DYNC2H1: variants seen among roughly 807,000 people sequenced by gnomAD.
DYNC2H1 encodes the protein cytoplasmic dynein 2 heavy chain 1.
DYNC2H1 carries 410 observed loss-of-function variants against 570.0 expected under a neutral mutation model. The ratio of observed to expected loss-of-function variants is 0.72; its 90% CI spans 0.66 to 0.78. The LOEUF (loss-of-function observed/expected upper bound fraction) is 0.78. DYNC2H1 is among the 30% of genes least tolerant of loss of function. DYNC2H1 has a pLI of 0.00. For missense variants in DYNC2H1, 4,865 were observed against 5,046.4 expected, an observed-to-expected ratio of 0.96 and a Z score of 1.09; for synonymous variants, 1,688 against 1,677.6, an observed-to-expected ratio of 1.01 and a Z score of -0.15.
intron 83 of DYNC2H1, among the ~76,000 whole-genome samples, chr11:103,375,658 C>T (rs1475806021): frequency 6.6e-6 from 1 of 152,218 alleles, no homozygotes; most frequent in African/African-American, 2.4e-5. Context: ...TTTGGACTTG[C>T]ATGGGGCCTA....
At chr11:103,429,519 G>C (rs1204020758) in intron 84 of DYNC2H1, among the ~76,000 whole-genome samples, 1 of 152,032 alleles carries the variant, frequency 6.6e-6, no homozygotes, top group African/African-American at 2.4e-5. Flanking sequence ...CTGAACAAAG[G>C]TCTTGTTAAG....
chr11:103,135,530 A>C lies in DYNC2H1; in HGVS notation c.2241A>C (p.Gln747His). Residue 747 changes from glutamine to histidine, a missense_variant, in exon 16 of 89, where the codon CAA becomes CAC. By Grantham distance (24) the Gln-to-His change is conservative. Around this residue, in one of 5 missense-constraint regions of DYNC2H1, gnomAD observed 1,936 missense variants for 1,962.1 expected, o/e 0.99. Coordinates refer to ENST00000375735, the MANE Select transcript of DYNC2H1 (RefSeq NM_001377.3). ...FQASDMHAWK[Q>H]HWNHQLYKAL... is the part of the protein sequence containing the mutation. ...CAAGTGACATGCATGCATGGAAACA[A>C]CACTGGAATCATCAACTGTACAAAG... The C allele has an allele frequency of 6.2e-7, 1 of 1,601,678 alleles. No homozygotes were observed. Among genetic ancestry groups the C allele is most frequent in the Middle Eastern group, 1.7e-4 (1 of 6,000 alleles).
In DYNC2H1 at chr11:103,228,473, C is replaced by G. The variant is rs1331102933; in HGVS notation, c.9354-2787C>G. Among the ~76,000 whole-genome samples the G allele has an allele frequency of 6.6e-6, 1 of 152,108 alleles. No homozygotes were observed. Among genetic ancestry groups the G allele is most frequent in the Non-Finnish European group, 1.5e-5 (1 of 68,016 alleles). On this transcript the variant is annotated intron_variant, in intron 59 of 88. Transcript: ENST00000375735. This position sits in a 1 kb window ranked among gnomAD's most constrained non-coding sequence, Gnocchi z 6.1. ...GTTTTTGCGCTTCTGGGTCTAGCTA[C>G]CCAGCAGAGCTACTGGGCTCTGGGC...
rs1938166945 is a variant in DYNC2H1 at position 103,321,157 on chromosome 11, G to A, written c.11854G>A (p.Val3952Ile). 6.2e-7 allele frequency: 1 copy of A among 1,611,872 alleles called. No homozygotes were observed. Among genetic ancestry groups the A allele is most frequent in the Non-Finnish European group, 8.5e-7 (1 of 1,178,896 alleles). ...CCTGAAGCAGTTTTTTAATTCTTCA[G>A]TTATTGATGTATTCAACCAAAGGAA... is the stretch of plus-strand genomic sequence containing the variant. ...SYLKQFFNSS[V>I]IDVFNQRNKK... is the part of the protein sequence containing the mutation. Residue 3952 changes from valine to isoleucine, a missense_variant, in exon 81 of 89, where the codon GTT becomes ATT. Val to Ile is a conservative substitution (Grantham distance 29, BLOSUM62 3). Coordinates refer to ENST00000375735, the MANE Select transcript of DYNC2H1 (RefSeq NM_001377.3).
chr11:103,476,815 C>T (rs1232108841), intron 88 of DYNC2H1, among the ~76,000 whole-genome samples: 1 of 152,018 alleles, frequency 6.6e-6, no homozygotes. Context: ...TCATATAATG[C>T]CCACTTAGGC....
At chr11:103,336,762 A>G (rs545354020) in intron 82 of DYNC2H1, among the ~76,000 whole-genome samples, 4 of 152,326 alleles carry the variant, frequency 2.6e-5, no homozygotes, top group African/African-American at 9.6e-5. Flanking sequence ...TAGTGCTGTA[A>G]TAAACACTGG....
At position 103,137,366 on chromosome 11, in the gene DYNC2H1, CGT is replaced by C. The variant is rs554165367; in HGVS notation, c.2574+1419_2574+1420del. On this transcript the variant is annotated intron_variant, in intron 17 of 88. Coordinates refer to ENST00000375735, the MANE Select transcript of DYNC2H1 (RefSeq NM_001377.3). Reference sequence around the variant, plus strand: ...AGGGTTTTTATGGTTTTAGCTCTAACGTTTAAGTCTTTAATCCATCTTGAATT... The same window carrying C: ...AGGGTTTTTATGGTTTTAGCTCTAACTTAAGTCTTTAATCCATCTTGAATT... Among the ~76,000 whole-genome samples, 602 of 151,470 alleles carry C rather than the reference CGT, an allele frequency of 4.0e-3. 2 individuals are homozygous for C. The highest frequency in any genetic ancestry group is 0.014 in the African/African-American group (577 of 41,254).
At position 103,245,298 on chromosome 11, in the gene DYNC2H1, A is replaced by C. The variant is rs1366958275; in HGVS notation, c.9966A>C (p.Lys3322Asn). The change falls in exon 65 of 89, where the codon AAA becomes AAC. Residue 3322 changes from lysine to asparagine, a missense_variant. Lys to Asn is a moderately conservative substitution (Grantham distance 94). Transcript: ENST00000375735. The surrounding 1 kb of genome is among the most constrained non-coding windows in gnomAD (Gnocchi z 4.5). ...TTGAATTAGCAGTACGTTTTGGGAA[A>C]ACCCTTATTATACAAGAGATGGATG... ...TALELAVRFG[K>N]TLIIQEMDGV... The C allele has an allele frequency of 6.4e-7, 1 of 1,558,736 alleles. No individual in the cohort carries two copies. The highest frequency in any genetic ancestry group is 8.7e-7 in the Non-Finnish European group (1 of 1,150,382).
chr11:103,345,633 A>G (rs1939705524), intron 82 of DYNC2H1, among the ~76,000 whole-genome samples: 1 of 152,164 alleles, frequency 6.6e-6, no homozygotes. Flanking sequence ...AAAAACAGCA[A>G]TAAGGCTGAT....
chr11:103,389,969 T>G (rs1368388951), intron 83 of DYNC2H1, among the ~76,000 whole-genome samples: 2 of 152,212 alleles, frequency 1.3e-5, no homozygotes, highest in Non-Finnish European at 2.9e-5. Context: ...AGAATGTATA[T>G]TCTGTTGATT....
At chr11:103,409,181 G>C (rs115681270) in intron 84 of DYNC2H1, among the ~76,000 whole-genome samples, 2,544 of 152,046 alleles carry the variant, frequency 0.017, 80 homozygotes, top group African/African-American at 0.058. Flanking sequence ...TTTACTTTTT[G>C]TAACCTTTCC....
chr11:103,366,976 CA>C (rs1187089682), intron 83 of DYNC2H1, among the ~76,000 whole-genome samples: 1 of 151,902 alleles, frequency 6.6e-6, no homozygotes, highest in Non-Finnish European at 1.5e-5. Context: ...AATAACGTAA[CA>C]AAAAATAGGT....
chr11:103,449,390 AT>A (rs1484013445), intron 85 of DYNC2H1, among the ~76,000 whole-genome samples: 1 of 152,178 alleles, frequency 6.6e-6, no homozygotes, highest in Non-Finnish European at 1.5e-5. Context: ...AACAGTTAGG[AT>A]TTATATTTGT....
chr11:103,343,712 GTCAA>G (rs1939597090), intron 82 of DYNC2H1, among the ~76,000 whole-genome samples: 1 of 142,280 alleles, frequency 7.0e-6, no homozygotes, highest in Non-Finnish European at 1.6e-5. Flanking sequence ...ACAAGACCTT[GTCAA>G]TCAATAAAAT....
At chr11:103,286,701 A>G (rs903904543) in intron 74 of DYNC2H1, among the ~76,000 whole-genome samples, 7 of 152,168 alleles carry the variant, frequency 4.6e-5, no homozygotes, top group Non-Finnish European at 1.0e-4. Context: ...TCCCAGAGTT[A>G]TTTTTAAGGA....
intron 82 of DYNC2H1, among the ~76,000 whole-genome samples, chr11:103,331,136 A>G (rs1368902928): frequency 6.6e-6 from 1 of 152,224 alleles, no homozygotes. Context: ...CCTGGGGCAT[A>G]TGGCATACCT....
At chr11:103,141,241 A>G (rs1195516249) in intron 17 of DYNC2H1, among the ~76,000 whole-genome samples, 3 of 152,096 alleles carry the variant, frequency 2.0e-5, no homozygotes, top group Admixed American at 2.0e-4. Flanking sequence ...TTGTTCCGTT[A>G]CTGGTGAGGA....
At chr11:103,367,458 C>G (rs1331027814) in intron 83 of DYNC2H1, among the ~76,000 whole-genome samples, 1 of 151,924 alleles carries the variant, frequency 6.6e-6, no homozygotes, top group African/African-American at 2.4e-5. Context: ...TTGTTGTTAC[C>G]TTTATACTCC....
intron 59 of DYNC2H1, 114 bp downstream of exon 59, chr11:103,223,200 A>C: frequency 9.6e-7 from 1 of 1,037,014 alleles, no homozygotes. Flanking sequence ...AGTTGACAAT[A>C]CTAAAATATA....
Sources: gnomAD v4.1 joint callset for allele counts (sites outside exome capture counted in the v4.1 genomes callset) on GRCh38, gnomAD v4.1.1 for gene constraint, gnomAD v4.1.1 regional missense constraint, Gnocchi (gnomAD v3.1) non-coding constraint, MANE v1.5 for transcripts, NCBI Gene and HGNC (gene_info 2026-07-23, HGNC 2026-07-21) for gene names.